The following CHST8 variants were observed in gnomAD, a reference collection of about 807,000 sequenced individuals.
CHST8 encodes carbohydrate sulfotransferase 8.
CHST8 carries 10 observed loss-of-function variants against 15.0 expected under a neutral mutation model. That is an observed-to-expected ratio of 0.67 (90% confidence interval 0.41 to 1.13). The LOEUF (loss-of-function observed/expected upper bound fraction) is 1.13, where lower values mean the gene tolerates loss of function less well. Ranked by LOEUF, CHST8 falls within the 50% of genes most tolerant of loss-of-function variation. CHST8 has a pLI of 0.00. For missense variants in CHST8, 634 were observed against 608.2 expected (o/e 1.04, Z -0.45); for synonymous variants, 259 against 256.6 (o/e 1.01, Z -0.09).
intron 3 of CHST8, among the ~76,000 whole-genome samples, chr19:33,757,474 G>A (rs796392970): frequency 4.8e-5 from 2 of 41,788 alleles, no homozygotes; most frequent in African/African-American, 1.0e-4. Flanking sequence ...AAGAAAGAAA[G>A]AAAGAAAGAA....
intron 3 of CHST8, among the ~76,000 whole-genome samples, chr19:33,691,581 A>G (rs1267761910): frequency 1.9e-5 from 1 of 53,158 alleles, no homozygotes; most frequent in African/African-American, 7.9e-5. Context: ...GTAATTTTCC[A>G]CAACATTAGT....
Position 33,772,333 on chromosome 19 carries a change from C to T in CHST8, c.545C>T (p.Ser182Phe). ...SRRAVTPRHV[S>F]RIFVEDRHRV... is the part of the protein sequence containing the mutation. Reference sequence around the variant, plus strand: ...CGGGCCGTCACGCCCCGCCACGTGTCCCGTATCTTCGTGGAGGACCGCCAC... The same window carrying T: ...CGGGCCGTCACGCCCCGCCACGTGTTCCGTATCTTCGTGGAGGACCGCCAC... The change falls in exon 5 of 5, where the codon TCC (serine) becomes TTC (phenylalanine). Residue 182 changes from serine (S) to phenylalanine (F), a missense_variant. By Grantham distance (155) the Ser-to-Phe change is radical. Coordinates refer to ENST00000650847, the MANE Select transcript of CHST8 (RefSeq NM_001127895.2). The T allele has an allele frequency of 6.2e-7, 1 of 1,606,212 alleles. No homozygotes were observed. Among genetic ancestry groups the T allele is most frequent in the Non-Finnish European group, 8.5e-7 (1 of 1,179,220 alleles).
At chr19:33,671,198 G>A (rs982356948) in intron 2 of CHST8, among the ~76,000 whole-genome samples, 1 of 152,080 alleles carries the variant, frequency 6.6e-6, no homozygotes, top group East Asian at 1.9e-4. Context: ...GCTCATGGCC[G>A]GCAAGTGTGA....
chr19:33,630,328 G>A (rs1225182263), intron 1 of CHST8, among the ~76,000 whole-genome samples: 2 of 152,264 alleles, frequency 1.3e-5, no homozygotes, highest in African/African-American at 4.8e-5. Flanking sequence ...GGTACTGAGC[G>A]ATTGCTTGTG....
At chr19:33,623,853 A>G (rs1972017397) in intron 1 of CHST8, among the ~76,000 whole-genome samples, 1 of 152,144 alleles carries the variant, frequency 6.6e-6, no homozygotes, top group Non-Finnish European at 1.5e-5. Context: ...GCGGCGTGGG[A>G]GTTCATTCAG....
chr19:33,683,433 G>A (rs1039964270), intron 2 of CHST8, among the ~76,000 whole-genome samples: 10 of 152,104 alleles, frequency 6.6e-5, no homozygotes, highest in African/African-American at 9.7e-5. Flanking sequence ...GGTGGCGAGC[G>A]GGCCTCGGGT....
intron 3 of CHST8, among the ~76,000 whole-genome samples, chr19:33,700,577 G>C (rs576253936): frequency 0.01 from 1,535 of 152,280 alleles, 24 homozygotes; most frequent in African/African-American, 0.033. Flanking sequence ...CAGGCTCTCC[G>C]CTCAGGGCTG....
At chr19:33,652,886 C>T (rs1972467685) in intron 1 of CHST8, among the ~76,000 whole-genome samples, 1 of 152,100 alleles carries the variant, frequency 6.6e-6, no homozygotes, top group Non-Finnish European at 1.5e-5. Flanking sequence ...CTTGGTTTAA[C>T]CCAATATGAT....
chr19:33,642,818 C>T (rs958371890), intron 1 of CHST8, among the ~76,000 whole-genome samples: 2 of 152,226 alleles, frequency 1.3e-5, no homozygotes, highest in Admixed American at 6.5e-5. Flanking sequence ...TACGTAAACT[C>T]GTAAATCATT....
At chr19:33,642,596 C>T (rs968269787) in intron 1 of CHST8, among the ~76,000 whole-genome samples, 11 of 152,164 alleles carry the variant, frequency 7.2e-5, no homozygotes, top group African/African-American at 2.7e-4. Context: ...CTCCTGACCT[C>T]AAGTGATCTG....
chr19:33,738,638 G>A (rs887435160), intron 3 of CHST8, among the ~76,000 whole-genome samples: 1 of 152,130 alleles, frequency 6.6e-6, no homozygotes, highest in African/African-American at 2.4e-5. Flanking sequence ...CACCCAGGCT[G>A]GAGTGCAGTG....
intron 3 of CHST8, among the ~76,000 whole-genome samples, chr19:33,719,485 G>T (rs1973736746): frequency 6.6e-6 from 1 of 152,176 alleles, no homozygotes; most frequent in Non-Finnish European, 1.5e-5. Context: ...GAAGTCCAAA[G>T]CTGAGGGGAT....
chr19:33,713,714 C>T (rs1384936774), intron 3 of CHST8, among the ~76,000 whole-genome samples: 1 of 152,134 alleles, frequency 6.6e-6, no homozygotes, highest in African/African-American at 2.4e-5. Context: ...GTACCTGCCA[C>T]CACGCCCGGC....
chr19:33,685,869 G>A (rs937209908), intron 2 of CHST8, among the ~76,000 whole-genome samples: 2 of 152,176 alleles, frequency 1.3e-5, no homozygotes, highest in African/African-American at 2.4e-5. Flanking sequence ...TGGAATGCCC[G>A]GGGATCTGTC....
intron 2 of CHST8, among the ~76,000 whole-genome samples, chr19:33,672,563 T>G (rs1165187464): frequency 6.6e-6 from 1 of 152,200 alleles, no homozygotes; most frequent in East Asian, 1.9e-4. Flanking sequence ...GTGCAAGTTC[T>G]TAGGCAGATG....
At chr19:33,703,260 C>T (rs1973380083) in intron 3 of CHST8, among the ~76,000 whole-genome samples, 1 of 152,170 alleles carries the variant, frequency 6.6e-6, no homozygotes. Flanking sequence ...TGGGTTGAAA[C>T]GGGGCACACC....
intron 3 of CHST8, among the ~76,000 whole-genome samples, chr19:33,754,826 T>C (rs2145363976): frequency 6.6e-6 from 1 of 152,350 alleles, no homozygotes; most frequent in Non-Finnish European, 1.5e-5. Flanking sequence ...GTTGTGGATG[T>C]GAACCTTGAA....
At chr19:33,771,729 G>A (rs1413959666) in intron 4 of CHST8, among the ~76,000 whole-genome samples, 1 of 152,134 alleles carries the variant, frequency 6.6e-6, no homozygotes, top group Admixed American at 6.5e-5. Flanking sequence ...CAGGTTCCTG[G>A]GAGGACCGCG....
intron 3 of CHST8, among the ~76,000 whole-genome samples, chr19:33,708,965 T>C (rs1292873087): frequency 6.6e-6 from 1 of 152,246 alleles, no homozygotes; most frequent in African/African-American, 2.4e-5. Context: ...AATTTATTCC[T>C]AAGTATTTTA....
Sources: allele counts gnomAD v4.1 joint callset (sites outside exome capture counted in the v4.1 genomes callset), GRCh38; gene constraint gnomAD v4.1.1; transcripts MANE v1.5; gene names NCBI Gene and HGNC (gene_info 2026-07-23, HGNC 2026-07-21).